Variants in TBC1D20 observed in about 807,000 individuals in gnomAD.
The protein encoded by TBC1D20 is chromosome 20 open reading frame 140.
TBC1D20 carries 12 observed loss-of-function variants against 41.6 expected under a neutral mutation model. That is an observed-to-expected ratio of 0.29 (90% confidence interval 0.18 to 0.47). The LOEUF is 0.47. TBC1D20 is among the 20% of genes least tolerant of loss of function. TBC1D20 has a pLI of 1.00. For synonymous variants in TBC1D20, 205 were observed against 204.8 expected (o/e 1.00, Z -0.01); for missense variants, 421 against 517.4 (o/e 0.81, Z 1.81).
At chr20:443,503 C>A (rs181897936) in intron 3 of TBC1D20, among the ~76,000 whole-genome samples, 29 of 152,288 alleles carry the variant, frequency 1.9e-4, no homozygotes, top group Non-Finnish European at 4.1e-4. Context: ...AATGTAAGGG[C>A]CCAAACTAAA....
chr20:451,232 G>A (rs537603796), intron 1 of TBC1D20, among the ~76,000 whole-genome samples: 2 of 152,178 alleles, frequency 1.3e-5, no homozygotes, highest in Non-Finnish European at 2.9e-5. Flanking sequence ...CATCCTTGCA[G>A]TGTAAGACGA....
rs377240964 is a variant in TBC1D20, at chr20:460,206, A to AG, written c.70+2129dup. On this transcript the variant is annotated intron_variant, in intron 1 of 7. Coordinates refer to ENST00000354200, the MANE Select transcript of TBC1D20 (RefSeq NM_144628.4). Reference sequence around the variant, plus strand: ...GAAATGCTAGTCTTAAAACAATGGAAGGGGGGGGCCGTTTTGTGTGGAGGG... The same window carrying AG: ...GAAATGCTAGTCTTAAAACAATGGAAGGGGGGGGGCCGTTTTGTGTGGAGGG... 4.2e-3 allele frequency among the ~76,000 whole-genome samples: 632 copies of AG among 151,586 alleles called. 4 individuals are homozygous for AG. The highest frequency in any genetic ancestry group is 0.014 in the African/African-American group (589 of 41,272).
In TBC1D20 at chr20:453,979, G is replaced by A. The variant is rs563915906; in HGVS notation, c.71-5905C>T. 6.7e-5 allele frequency among the ~76,000 whole-genome samples: 10 copies of A among 148,600 alleles called. 1 individual carries two copies. The highest frequency in any genetic ancestry group is 4.6e-4 in the Admixed American group (7 of 15,072). ...AATTAGGCCAGGTGCGGTGGCTCAC[G>A]CCTGCAATTCCAGCAGTTTGGGAGG... is the stretch of plus-strand genomic sequence containing the variant. On this transcript the variant is annotated intron_variant, in intron 1 of 7. Transcript: ENST00000354200.
In TBC1D20 at chr20:439,257, G is replaced by T. The variant is rs769858211; in HGVS notation, c.807C>A (p.Asp269Glu). 1 of 1,613,898 alleles carries T rather than the reference G, an allele frequency of 6.2e-7. No individual in the cohort carries two copies. Among genetic ancestry groups the T allele is most frequent in the South Asian group, 1.1e-5 (1 of 91,052 alleles). ...LYREQEVLDCDCDMASVHHLL... is the reference protein window; with the variant it reads ...LYREQEVLDCECDMASVHHLL... ...GGTGGTGGACCGAGGCCATGTCACAGTCACAGTCCAGGACTTCCTGCTCGC... is the reference window on the plus strand; with the variant it reads ...GGTGGTGGACCGAGGCCATGTCACATTCACAGTCCAGGACTTCCTGCTCGC... Residue 269 changes from aspartate (D) to glutamate (E), a missense_variant, in exon 7 of 8, where the codon GAC (aspartate) becomes GAA (glutamate). Physicochemically the swap from Asp to Glu is conservative, Grantham distance 45. Around this residue, in one of 3 missense-constraint regions of TBC1D20, gnomAD observed 161 missense variants for 182.7 expected, o/e 0.88. Coordinates refer to ENST00000354200, the MANE Select transcript of TBC1D20 (RefSeq NM_144628.4). The surrounding 1 kb of genome is among the most constrained non-coding windows in gnomAD (Gnocchi z 4.6).
At chr20:443,999 C>T (rs776540977) in intron 3 of TBC1D20, among the ~76,000 whole-genome samples, 7 of 152,030 alleles carry the variant, frequency 4.6e-5, no homozygotes, top group Non-Finnish European at 8.8e-5. Flanking sequence ...GGCGTGGTGG[C>T]GGGCACCTGT....
chr20:462,190 C>T, intron 1 of TBC1D20, 146 bp downstream of exon 1: 1 of 366,068 alleles, frequency 2.7e-6, no homozygotes, highest in Non-Finnish European at 4.2e-6. Context: ...TGCCCTGGGC[C>T]CTCAGCCTGT....
chr20:454,236 CAA>C (rs5839859), intron 1 of TBC1D20, among the ~76,000 whole-genome samples: 50,894 of 107,824 alleles, frequency 0.47, 8,988 homozygotes, highest in Admixed American at 0.52. Context: ...AGTTCTGTCT[CAA>C]AAAAAAAAAA....
chr20:444,130 T>TAA lies in TBC1D20; in HGVS notation c.337+918_337+919dup, dbSNP rs75236467. On this transcript the variant is annotated intron_variant, in intron 3 of 7. Coordinates refer to ENST00000354200, the MANE Select transcript of TBC1D20 (RefSeq NM_144628.4). ...TGCAACAAGAGTGAAACTCTGTCTT[T>TAA]AAAAAAAAAAAAAAAAGGGAGGCAT... Among the ~76,000 whole-genome samples, 3 of 136,246 alleles carry TAA rather than the reference T, an allele frequency of 2.2e-5. No homozygotes were observed. The Admixed American group carries it at 2.2e-4, about 10-fold the overall frequency. The allele number at this position is 136,246 out of a possible 152,430, so 89.4% of individuals were successfully genotyped here.
chr20:460,343 G>A (rs759671662), intron 1 of TBC1D20, among the ~76,000 whole-genome samples: 33 of 151,624 alleles, frequency 2.2e-4, no homozygotes, highest in Non-Finnish European at 3.7e-4. Context: ...GAGGTGGGAG[G>A]AGCACTTAAG....
chr20:454,729 T>G (rs1384611303), intron 1 of TBC1D20, among the ~76,000 whole-genome samples: 1 of 152,112 alleles, frequency 6.6e-6, no homozygotes, highest in Admixed American at 6.6e-5. Context: ...TGGAGTGCAG[T>G]GAAGCAATCT....
At chr20:453,460 G>A (rs148882853) in intron 1 of TBC1D20, among the ~76,000 whole-genome samples, 68,422 of 142,618 alleles carry the variant, frequency 0.48, 18,285 homozygotes, top group African/African-American at 0.53. Flanking sequence ...TAGCCTGGGC[G>A]ACAAGAGCGA....
Position 439,034 on chromosome 20 carries a change from C to T in TBC1D20, c.956+74G>A, listed in dbSNP as rs1006123673. 1.9e-6 allele frequency: 3 copies of T among 1,538,906 alleles called. No individual in the cohort carries two copies. Among genetic ancestry groups the T allele is most frequent in the Non-Finnish European group, 2.6e-6 (3 of 1,136,742 alleles). On this transcript the variant is annotated intron_variant, in intron 7 of 7. Coordinates refer to ENST00000354200, the MANE Select transcript of TBC1D20 (RefSeq NM_144628.4). The surrounding 1 kb of genome is among the most constrained non-coding windows in gnomAD (Gnocchi z 4.6). ...GGAAACATGCCCCAACCCTATCCCA[C>T]CAGACACAAACCTTCCCTCGCTTCT...
chr20:440,472 A>C, intron 5 of TBC1D20, 83 bp from the exon 6 acceptor site: 2 of 1,513,690 alleles, frequency 1.3e-6, no homozygotes, highest in Non-Finnish European at 1.8e-6. Context: ...GGTGAGAAGG[A>C]AGCATTTAGG....
chr20:455,195 C>T (rs958391413), intron 1 of TBC1D20, among the ~76,000 whole-genome samples: 1 of 152,168 alleles, frequency 6.6e-6, no homozygotes, highest in Non-Finnish European at 1.5e-5. Context: ...CATTTGTCCT[C>T]ATCTGTCTGA....
rs71191943 is a variant in TBC1D20, at chr20:453,153, C to CAAAA, written c.71-5083_71-5080dup. ...GGGCAACAAGAGCGAAACTCCGTTT[C>CAAAA]AAAAAAAAAAAAAAAAAAAAAAAAA... On this transcript the variant is annotated intron_variant, in intron 1 of 7. Transcript: ENST00000354200. Among the ~76,000 whole-genome samples the CAAAA allele has an allele frequency of 2.7e-3, 121 of 44,854 alleles. 17 individuals are homozygous for CAAAA. The highest frequency in any genetic ancestry group is 5.1e-3 in the South Asian group (4 of 782). The allele number at this position is 44,854 out of a possible 152,430, so 29.4% of individuals were successfully genotyped here. A position where few individuals can be genotyped will look rare whatever the true frequency, so the allele number is the denominator to read the frequency against.
intron 1 of TBC1D20, among the ~76,000 whole-genome samples, chr20:451,254 T>C (rs952407349): frequency 1.3e-5 from 2 of 152,144 alleles, no homozygotes; most frequent in African/African-American, 2.4e-5. Context: ...CTTTTTAAAA[T>C]ACATTCTTGG....
chr20:453,875 G>C lies in TBC1D20; in HGVS notation c.71-5801C>G, dbSNP rs1397734042. ...TATCCCAGCACTTTGGGAGGCCGAG[G>C]TGGATGGATCACTGAGGTCAGGAGA... On this transcript the variant is annotated intron_variant, in intron 1 of 7. Transcript: ENST00000354200. Among the ~76,000 whole-genome samples, 3 of 146,382 alleles carry C rather than the reference G, an allele frequency of 2.0e-5. 1 individual carries two copies. Among genetic ancestry groups the C allele is most frequent in the African/African-American group, 7.7e-5 (3 of 38,866 alleles).
rs1210964487 is a variant in TBC1D20, at chr20:437,202, G to A, written c.*1384C>T. On this transcript the variant is annotated 3_prime_UTR_variant, in exon 8 of 8. Transcript: ENST00000354200. ...GGCTCCCAGCTGCTCTGGCACGTGG[G>A]ACACCCTCCACCCTGCACACAACAG... 6.6e-6 allele frequency: 1 copy of A among 152,616 alleles called. No homozygotes were observed. Among genetic ancestry groups the A allele is most frequent in the Non-Finnish European group, 1.5e-5 (1 of 68,042 alleles). The allele number at this position is 152,616 out of a possible 1,614,324, so 9.5% of individuals were successfully genotyped here. A position where few individuals can be genotyped will look rare whatever the true frequency, so the allele number is the denominator to read the frequency against.
Position 462,371 on chromosome 20 carries a change from G to T in TBC1D20, c.35C>A (p.Thr12Asn). 7.7e-7 allele frequency: 1 copy of T among 1,306,478 alleles called. No homozygotes were observed. 80.9% of individuals were successfully genotyped at this position (1,306,478 alleles called of 1,614,324 possible). A position where few individuals can be genotyped will look rare whatever the true frequency, so the allele number is the denominator to read the frequency against. The change falls in exon 1 of 8, where the codon ACC becomes AAC. Residue 12 changes from threonine to asparagine, a missense_variant. Thr to Asn is a moderately conservative substitution (Grantham distance 65). Around this residue, in one of 3 missense-constraint regions of TBC1D20, gnomAD observed 150 missense variants for 151.3 expected, o/e 0.99. Transcript: ENST00000354200. ...CGCGCCGCCGTCCCAGTGGCCGGAG[G>T]TGGGGCCGTCGCCCTGCGCACTCCG... Reference protein sequence around the residue: ...ALRSAQGDGPTSGHWDGGAEK... With the variant: ...ALRSAQGDGPNSGHWDGGAEK...
Sources: gnomAD v4.1 joint callset for allele counts (sites outside exome capture counted in the v4.1 genomes callset) on GRCh38, gnomAD v4.1.1 for gene constraint, gnomAD v4.1.1 regional missense constraint, Gnocchi (gnomAD v3.1) non-coding constraint, MANE v1.5 for transcripts, NCBI Gene and HGNC (gene_info 2026-07-23, HGNC 2026-07-21) for gene names.